The following EDA variants were observed in gnomAD, a reference collection of about 807,000 sequenced individuals.
EDA encodes the protein ectodysplasin A, also known as ectodysplasin-A.
EDA carries 2 observed loss-of-function variants against 23.6 expected under a neutral mutation model. The ratio of observed to expected loss-of-function variants is 0.08; its 90% confidence interval spans 0.03 to 0.27. The LOEUF is 0.27. EDA is among the 10% of genes least tolerant of loss of function. EDA has a pLI of 1.00. For synonymous variants in EDA, 131 were observed against 132.0 expected, an observed-to-expected ratio of 0.99 and a Z score of 0.05; for missense variants, 229 against 324.2, an observed-to-expected ratio of 0.71 and a Z score of 2.26.
In EDA at chrX:70,029,660, G is replaced by C. The variant is rs755847817; in HGVS notation, c.741+122G>C. ...TTCATGAGAACACCCCGGAGATTCTGACGGTTTTCACTCACAGCCCCCTCC... is the reference window on the plus strand; with the variant it reads ...TTCATGAGAACACCCCGGAGATTCTCACGGTTTTCACTCACAGCCCCCTCC... On this transcript the variant is annotated intron_variant, in intron 5 of 7. Coordinates refer to ENST00000374552, the MANE Select transcript of EDA (RefSeq NM_001399.5). 5.2e-6 allele frequency: 4 copies of C among 775,271 alleles called. No individual in the cohort carries two copies. The East Asian group carries it at 1.3e-4, about 26-fold the overall frequency. The allele number at this position is 775,271 out of a possible 1,213,427, so 63.9% of individuals were successfully genotyped here.
At chrX:69,707,595 C>A (rs2011780058) in intron 1 of EDA, among the ~76,000 whole-genome samples, 1 of 111,896 alleles carries the variant, frequency 8.9e-6, no homozygotes, top group Non-Finnish European at 1.9e-5. Flanking sequence ...TAAAGACACC[C>A]AACTGTTTGC....
At chrX:69,637,518 G>A (rs781562081) in intron 1 of EDA, among the ~76,000 whole-genome samples, 1 of 110,897 alleles carries the variant, frequency 9.0e-6, no homozygotes, top group Admixed American at 9.6e-5. Flanking sequence ...TGCAGACTGA[G>A]GACAGAACAT....
chrX:69,717,299 T>C (rs1260962200), intron 1 of EDA, among the ~76,000 whole-genome samples: 1 of 111,389 alleles, frequency 9.0e-6, no homozygotes. Flanking sequence ...CATTTTATAA[T>C]GTTCAGTATA....
chrX:69,905,147 G>C (rs144617772), intron 1 of EDA, among the ~76,000 whole-genome samples: 55 of 112,317 alleles, frequency 4.9e-4, no homozygotes, highest in African/African-American at 1.6e-3. Context: ...TCCCACAGCA[G>C]TGTACAAGAA....
In EDA at chrX:69,658,212, T is replaced by TTGTGTGTGTGTGTG. The variant is rs3138864; in HGVS notation, c.396+41534_396+41547dup. ...CTTGGTTAGCTGTACTCCTAGGTATTTGTGTGTGTGTGTGTGTGTGTGTGT... is the reference window on the plus strand; with the variant it reads ...CTTGGTTAGCTGTACTCCTAGGTATTTGTGTGTGTGTGTGTGTGTGTGTGTGTGTGTGTGTGTGT... On this transcript the variant is annotated intron_variant, in intron 1 of 7. Transcript: ENST00000374552. 4.2e-3 allele frequency among the ~76,000 whole-genome samples: 380 copies of TTGTGTGTGTGTGTG among 90,901 alleles called. 2 individuals are homozygous for TTGTGTGTGTGTGTG. The highest frequency in any genetic ancestry group is 6.3e-3 in the Non-Finnish European group (290 of 46,166). 78.9% of individuals were successfully genotyped at this position (90,901 alleles called of 115,157 possible). A position where few individuals can be genotyped will look rare whatever the true frequency, so the allele number is the denominator to read the frequency against.
intron 1 of EDA, among the ~76,000 whole-genome samples, chrX:69,687,444 CAT>C (rs1375547166): frequency 9.0e-6 from 1 of 111,430 alleles, no homozygotes; most frequent in Non-Finnish European, 1.9e-5. Context: ...AGTCTATGAA[CAT>C]GAGATGTCTT....
chrX:69,907,989 C>G (rs1244506125), intron 1 of EDA, among the ~76,000 whole-genome samples: 2 of 111,310 alleles, frequency 1.8e-5, no homozygotes, highest in Non-Finnish European at 3.8e-5. Flanking sequence ...AGGGTAAATT[C>G]CAAAAGATAA....
At position 69,675,721 on chromosome X, in the gene EDA, A is replaced by G. The variant is rs190303981; in HGVS notation, c.396+59017A>G. Reference sequence around the variant, plus strand: ...CAAAAATTCTGGCCCTCACAGAGCCAATAGTCTAGTGGAGGAAGACACACA... The same window carrying G: ...CAAAAATTCTGGCCCTCACAGAGCCGATAGTCTAGTGGAGGAAGACACACA... On this transcript the variant is annotated intron_variant, in intron 1 of 7. Transcript: ENST00000374552. 3.3e-3 allele frequency among the ~76,000 whole-genome samples: 373 copies of G among 111,773 alleles called. 1 individual carries two copies. The highest frequency in any genetic ancestry group is 0.011 in the African/African-American group (349 of 30,782).
At chrX:69,617,187 T>G (rs967052574) in intron 1 of EDA, 1 of 176,175 alleles carries the variant, frequency 5.7e-6, no homozygotes, top group Admixed American at 7.1e-5. Context: ...TAACCGCATT[T>G]TCAGCGCGGG....
intron 2 of EDA, among the ~76,000 whole-genome samples, chrX:69,987,160 A>T (rs2019506048): frequency 1.0e-5 from 1 of 97,360 alleles, no homozygotes; most frequent in African/African-American, 3.9e-5. Context: ...GCATTGGGAG[A>T]TATACCTAAT....
Position 69,616,509 on chromosome X carries a change from G to A in EDA, c.201G>A (p.Glu67=). 8.3e-7 allele frequency: 1 copy of A among 1,211,799 alleles called. No individual in the cohort carries two copies. The highest frequency in any genetic ancestry group is 1.1e-6 in the Non-Finnish European group (1 of 895,355). Residue 67 remains glutamate (E), a synonymous_variant, in exon 1 of 8, where the codon GAG becomes GAA. Coordinates refer to ENST00000374552, the MANE Select transcript of EDA (RefSeq NM_001399.5). Reference sequence around the variant, plus strand: ...GCTGCTACCTAGAGTTGCGCTCGGAGTTGCGGCGGGAACGTGGAGCCGAGT... The same window carrying A: ...GCTGCTACCTAGAGTTGCGCTCGGAATTGCGGCGGGAACGTGGAGCCGAGT... The part of the protein sequence containing the change: ...TLCCYLELRS[E]LRRERGAESR...
At chrX:69,835,074 G>A (rs775130932) in intron 1 of EDA, among the ~76,000 whole-genome samples, 1 of 112,626 alleles carries the variant, frequency 8.9e-6, no homozygotes, top group Non-Finnish European at 1.9e-5. Context: ...GGTTTCTGCC[G>A]AGAGATCAGC....
At chrX:69,831,780 C>A (rs2016615851) in intron 1 of EDA, among the ~76,000 whole-genome samples, 1 of 112,674 alleles carries the variant, frequency 8.9e-6, no homozygotes, top group South Asian at 3.6e-4. Context: ...ATTTGCATTT[C>A]TCTAATGACC....
intron 1 of EDA, among the ~76,000 whole-genome samples, chrX:69,908,087 C>G (rs775167798): frequency 9.0e-6 from 1 of 111,455 alleles, no homozygotes; most frequent in African/African-American, 3.3e-5. Flanking sequence ...ACAATTACTC[C>G]CAGCATAATT....
At chrX:69,980,041 TTCACTGAGATTTTATATCAG>T (rs1285074410) in intron 2 of EDA, among the ~76,000 whole-genome samples, 2 of 111,610 alleles carry the variant, frequency 1.8e-5, no homozygotes, top group African/African-American at 6.5e-5. Context: ...GGGTATGTTT[TTCACTGAGATTTTATATCAG>T]TCACAACTCA....
chrX:69,647,005 C>T (rs944360843), intron 1 of EDA, among the ~76,000 whole-genome samples: 3 of 111,623 alleles, frequency 2.7e-5, no homozygotes, highest in African/African-American at 9.8e-5. Context: ...TCTTTAAGTA[C>T]GTTGAATATT....
At chrX:69,939,109 A>AT (rs2018718863) in intron 1 of EDA, among the ~76,000 whole-genome samples, 2 of 111,239 alleles carry the variant, frequency 1.8e-5, no homozygotes, top group Admixed American at 9.5e-5. Context: ...ACATTTTAGA[A>AT]TTTTTTTTAT....
In EDA at chrX:69,937,424, G is replaced by T. The variant is rs2056187251; in HGVS notation, c.397-19603G>T. 9.3e-6 allele frequency: 7 copies of T among 750,257 alleles called. No individual in the cohort carries two copies. In the South Asian group the frequency reaches 1.5e-4, roughly 16 times the overall value. The allele number at this position is 750,257 out of a possible 1,213,427, so 61.8% of individuals were successfully genotyped here. ...CTTTGAGATGTTTGCAGCTCTTCAT[G>T]AGGTACTTCACATCATAAATGACAG... On this transcript the variant is annotated intron_variant, in intron 1 of 7. Transcript: ENST00000374552.
chrX:69,733,097 T>G (rs1015181812), intron 1 of EDA, among the ~76,000 whole-genome samples: 9 of 109,284 alleles, frequency 8.2e-5, no homozygotes, highest in African/African-American at 3.0e-4. Context: ...AGAAGCTCTT[T>G]AGTTTAATTA....
Sources: gnomAD v4.1 joint callset for allele counts (sites outside exome capture counted in the v4.1 genomes callset) on GRCh38, gnomAD v4.1.1 for gene constraint, MANE v1.5 for transcripts, NCBI Gene and HGNC (gene_info 2026-07-23, HGNC 2026-07-21) for gene names.